EBF4: variants seen among roughly 807,000 people sequenced by gnomAD.
EBF4 encodes EBF transcription factor 4, also known as transcription factor COE4.
A neutral mutation model predicts 67.1 loss-of-function variants in EBF4; 34 were observed. That is an observed-to-expected ratio of 0.51 (90% CI 0.39 to 0.67). The LOEUF (loss-of-function observed/expected upper bound fraction) is 0.67, where lower values mean the gene tolerates loss of function less well. EBF4 is among the 30% of genes least tolerant of loss of function. The pLI is 0.00. For synonymous variants in EBF4, 387 were observed against 377.7 expected, an observed-to-expected ratio of 1.02 and a Z score of -0.29; for missense variants, 837 against 873.3, an observed-to-expected ratio of 0.96 and a Z score of 0.52.
intron 6 of EBF4, among the ~76,000 whole-genome samples, chr20:2,744,489 TTTC>T (rs1473532449): frequency 2.8e-5 from 3 of 106,690 alleles, no homozygotes; most frequent in African/African-American, 4.8e-5. Context: ...CTTTTTTTCT[TTTC>T]TTTTTTTTTT....
chr20:2,753,233 C>T (rs1157187881), intron 14 of EBF4, among the ~76,000 whole-genome samples: 2 of 152,222 alleles, frequency 1.3e-5, no homozygotes, highest in African/African-American at 4.8e-5. Context: ...GCCTAAAGGG[C>T]CAGTGTGTGA....
At position 2,755,247 on chromosome 20, in the gene EBF4, C is replaced by G. The variant is rs1455143576; in HGVS notation, c.1541-380C>G. On this transcript the variant is annotated intron_variant, in intron 14 of 16. Coordinates refer to ENST00000609451, the Ensembl canonical transcript of EBF4. The surrounding 1 kb of genome is among the most constrained non-coding windows in gnomAD (Gnocchi z 4.7). Reference sequence around the variant, plus strand: ...GAACTATGACTCTAGCCTTGGCACCCCAAGCAAGGCTCATAAATGTTTCCT... The same window carrying G: ...GAACTATGACTCTAGCCTTGGCACCGCAAGCAAGGCTCATAAATGTTTCCT... 8.5e-6 allele frequency: 2 copies of G among 234,982 alleles called. No homozygotes were observed. The highest frequency in any genetic ancestry group is 4.6e-5 in the African/African-American group (2 of 43,474). The allele number at this position is 234,982 out of a possible 1,614,324, so 14.6% of individuals were successfully genotyped here.
Position 2,732,674 on chromosome 20 carries a change from G to C in EBF4, c.558-15875G>C, listed in dbSNP as rs192048129. ...AGACAGCATATAGTTGGATTGTGTT[G>C]TAGTTTTCTTTTTTAATCCATTCTG... On this transcript the variant is annotated intron_variant, in intron 6 of 16. Coordinates refer to ENST00000609451, the Ensembl canonical transcript of EBF4. 3.9e-5 allele frequency among the ~76,000 whole-genome samples: 6 copies of C among 152,216 alleles called. No homozygotes were observed. The East Asian group carries it at 9.6e-4, about 24-fold the overall frequency.
chr20:2,714,544 G>A (rs901937747), intron 6 of EBF4, among the ~76,000 whole-genome samples: 34 of 152,300 alleles, frequency 2.2e-4, no homozygotes, highest in African/African-American at 7.7e-4. Flanking sequence ...TAGAGATGGG[G>A]TTTTGCCATG....
At chr20:2,750,583 C>T (rs1271383809) in intron 10 of EBF4, among the ~76,000 whole-genome samples, 1 of 152,104 alleles carries the variant, frequency 6.6e-6, no homozygotes, top group Admixed American at 6.5e-5. Context: ...CCACCCACTT[C>T]TCCTCTCCAC....
chr20:2,758,759 C>T (rs1195931011), intron 15 of EBF4, 150 bp from the exon 16 acceptor site: 12 of 686,786 alleles, frequency 1.7e-5, no homozygotes, highest in Non-Finnish European at 2.6e-5. Context: ...CCCCGATCTG[C>T]AGTGCTGCCA....
Position 2,747,308 on chromosome 20 carries a change from C to CA in EBF4, c.558-1237dup, listed in dbSNP as rs1473738030. Among the ~76,000 whole-genome samples, 3 of 96,460 alleles carry CA rather than the reference C, an allele frequency of 3.1e-5. No homozygotes were observed. Among genetic ancestry groups the CA allele is most frequent in the African/African-American group, 8.6e-5 (2 of 23,274 alleles). The allele number at this position is 96,460 out of a possible 152,430, so 63.3% of individuals were successfully genotyped here. A position where few individuals can be genotyped will look rare whatever the true frequency, so the allele number is the denominator to read the frequency against. On this transcript the variant is annotated intron_variant, in intron 6 of 16. Coordinates refer to ENST00000609451, the Ensembl canonical transcript of EBF4. The surrounding 1 kb of genome is among the most constrained non-coding windows in gnomAD (Gnocchi z 4.6). ...CAAGACTCTGTCTCAAAACAAAAAACAAAACAAACAAAAAAAAAAAAACAG... is the reference window on the plus strand; with the variant it reads ...CAAGACTCTGTCTCAAAACAAAAAACAAAAACAAACAAAAAAAAAAAAACAG...
rs561938709 is a variant in EBF4, at chr20:2,705,382, G to A, written c.138-195G>A. On this transcript the variant is annotated intron_variant, in intron 1 of 16. Coordinates refer to ENST00000609451, the Ensembl canonical transcript of EBF4. Reference sequence around the variant, plus strand: ...CCAGGGGGCAGGCTGGGGTGCCCTAGGTGCTGAGAGACCTCTATCTGGAAG... The same window carrying A: ...CCAGGGGGCAGGCTGGGGTGCCCTAAGTGCTGAGAGACCTCTATCTGGAAG... Among the ~76,000 whole-genome samples the A allele has an allele frequency of 8.7e-3, 1,331 of 152,284 alleles. 12 individuals are homozygous for A. The highest frequency in any genetic ancestry group is 0.014 in the Non-Finnish European group (962 of 68,014).
intron 1 of EBF4, among the ~76,000 whole-genome samples, chr20:2,697,552 A>AAAAAAG (rs113665024): frequency 6.8e-6 from 1 of 147,152 alleles, no homozygotes; most frequent in African/African-American, 2.5e-5. Flanking sequence ...CTCAAAAAAA[A>AAAAAAG]AAAGAAAGAA....
chr20:2,731,421 A>G (rs1260432764), intron 6 of EBF4, among the ~76,000 whole-genome samples: 1 of 152,178 alleles, frequency 6.6e-6, no homozygotes, highest in Non-Finnish European at 1.5e-5. Context: ...CAGAGATACC[A>G]AAAGGGGATA....
In EBF4 at chr20:2,755,608, T is replaced by TCCCCCC; in HGVS notation, c.1541-15_1541-14insCCCCCC. On this transcript the variant is annotated intron_variant, in intron 14 of 16. Transcript: ENST00000609451. The surrounding 1 kb of genome is among the most constrained non-coding windows in gnomAD (Gnocchi z 4.7). ...CCACCTTCCCTGCTGCGCCTGCCCC[T>TCCCCCC]CCCCGCCCCGCCCCGGAGTCATGCC... The TCCCCCC allele has an allele frequency of 7.1e-6, 4 of 559,512 alleles. No individual in the cohort carries two copies. The highest frequency in any genetic ancestry group is 6.3e-6 in the Non-Finnish European group (2 of 317,864). 34.7% of individuals were successfully genotyped at this position (559,512 alleles called of 1,614,324 possible).
chr20:2,693,066 G>GGCTGCTGCTGCTCCTGCC (rs2087231435), upstream of EBF4: 1 of 155,986 alleles, frequency 6.4e-6, no homozygotes, highest in Non-Finnish European at 1.4e-5. This position sits in a 1 kb window ranked among gnomAD's most constrained non-coding sequence, Gnocchi z 4.6. Flanking sequence ...CGGGACGCGC[G>GGCTGCTGCTGCTCCTGCC]GCTGCTGCTG....
At chr20:2,698,372 C>T (rs563883259) in intron 1 of EBF4, among the ~76,000 whole-genome samples, 1 of 152,370 alleles carries the variant, frequency 6.6e-6, no homozygotes, top group African/African-American at 2.4e-5. Context: ...GGGTGTGCCC[C>T]ACTGGGCTAC....
chr20:2,695,774 C>T (rs1229640755), intron 1 of EBF4, among the ~76,000 whole-genome samples: 3 of 151,538 alleles, frequency 2.0e-5, no homozygotes, highest in Non-Finnish European at 2.9e-5. Flanking sequence ...CTGGCCCTGC[C>T]TCCGCCTTCA....
rs115180110 is a variant in EBF4, at chr20:2,758,408, C to T, written c.1739-501C>T. ...TAATTTTTCTTAGGTGTGTCTGGAG[C>T]TTAGAATGTGAAGGATGGAGAGAAC... On this transcript the variant is annotated intron_variant, in intron 15 of 16. Transcript: ENST00000609451. Among the ~76,000 whole-genome samples the T allele has an allele frequency of 9.6e-3, 1,455 of 152,096 alleles. 13 individuals are homozygous for T. The highest frequency in any genetic ancestry group is 0.032 in the African/African-American group (1,332 of 41,476).
intron 6 of EBF4, among the ~76,000 whole-genome samples, chr20:2,717,274 G>A (rs1489180049): frequency 6.6e-6 from 1 of 151,990 alleles, no homozygotes; most frequent in African/African-American, 2.4e-5. Context: ...TAGGCTTTAG[G>A]AATACAAGAG....
intron 6 of EBF4, among the ~76,000 whole-genome samples, chr20:2,713,372 T>A (rs910582429): frequency 1.3e-5 from 2 of 152,108 alleles, no homozygotes; most frequent in Non-Finnish European, 2.9e-5. Flanking sequence ...GTCTTCTGAT[T>A]GCTTTGTTTT....
Position 2,752,264 on chromosome 20 carries a change from G to A in EBF4, c.1351+1G>A, listed in dbSNP as rs1233900755. On this transcript the variant is annotated splice_donor_variant, in intron 13 of 16. Coordinates refer to ENST00000609451, the Ensembl canonical transcript of EBF4. LOFTEE classifies it high-confidence loss of function. ...GACGCCACCCCGGGGCCCGAGCCGG[G>A]TGCGTGGGCCGCGCCTCCCCGCCGT... 3.6e-5 allele frequency: 45 copies of A among 1,246,404 alleles called. No individual in the cohort carries two copies. Among genetic ancestry groups the A allele is most frequent in the Non-Finnish European group, 4.2e-5 (42 of 999,102 alleles). 77.2% of individuals were successfully genotyped at this position (1,246,404 alleles called of 1,614,324 possible).
In EBF4 at chr20:2,696,704, G is replaced by C. The variant is rs974534616; in HGVS notation, c.137+2922G>C. 3.3e-5 allele frequency among the ~76,000 whole-genome samples: 5 copies of C among 151,980 alleles called. 1 individual carries two copies. Among genetic ancestry groups the C allele is most frequent in the African/African-American group, 1.2e-4 (5 of 41,360 alleles). Reference sequence around the variant, plus strand: ...AACAATCCCTCTGCCCTCAGCACCCGCACATCCCCTGGATTAAGTCTCACC... The same window carrying C: ...AACAATCCCTCTGCCCTCAGCACCCCCACATCCCCTGGATTAAGTCTCACC... On this transcript the variant is annotated intron_variant, in intron 1 of 16. Coordinates refer to ENST00000609451, the Ensembl canonical transcript of EBF4. The surrounding 1 kb of genome is among the most constrained non-coding windows in gnomAD (Gnocchi z 4.7).
Sources: gnomAD v4.1 joint callset for allele counts (sites outside exome capture counted in the v4.1 genomes callset) on GRCh38, gnomAD v4.1.1 for gene constraint, Gnocchi (gnomAD v3.1) non-coding constraint, MANE v1.5 for transcripts, NCBI Gene and HGNC (gene_info 2026-07-23, HGNC 2026-07-21) for gene names.